The following SAMMSON variants were observed in gnomAD, a reference collection of about 807,000 sequenced individuals.
SAMMSON encodes the protein long intergenic non-protein coding RNA 1212.
intron 7 of SAMMSON, among the ~76,000 whole-genome samples, chr3:70,343,200 T>TTAATATGGTAA (rs1702724853): frequency 6.6e-6 from 1 of 152,196 alleles, no homozygotes; most frequent in Non-Finnish European, 1.5e-5. Flanking sequence ...ATATGGTATA[T>TTAATATGGTAA]TTATCACAAT....
At chr3:70,196,963 T>G in intron 4 of SAMMSON, 1 of 398,536 alleles carries the variant, frequency 2.5e-6, no homozygotes, top group African/African-American at 2.1e-5. Context: ...CATGGCCAGT[T>G]CCAGACACTC....
At chr3:70,260,566 G>A (rs182529196) in intron 6 of SAMMSON, among the ~76,000 whole-genome samples, 10 of 152,046 alleles carry the variant, frequency 6.6e-5, no homozygotes, top group Admixed American at 6.6e-4. Flanking sequence ...ATGGGAGGAA[G>A]GGAAGGTCTG....
At chr3:70,282,412 G>A (rs972181422) in intron 6 of SAMMSON, among the ~76,000 whole-genome samples, 1 of 152,152 alleles carries the variant, frequency 6.6e-6, no homozygotes. Flanking sequence ...GTTAGTTACA[G>A]AAGCTAATGA....
chr3:70,188,758 G>A (rs1471372622), intron 4 of SAMMSON, among the ~76,000 whole-genome samples: 1 of 152,188 alleles, frequency 6.6e-6, no homozygotes, highest in Admixed American at 6.5e-5. Flanking sequence ...AATAGGGTAG[G>A]TATTATTAAC....
intron 6 of SAMMSON, among the ~76,000 whole-genome samples, chr3:70,256,638 A>G (rs1016517785): frequency 6.6e-6 from 1 of 152,192 alleles, no homozygotes; most frequent in Non-Finnish European, 1.5e-5. Flanking sequence ...GGGAAAGGAA[A>G]TCCTCAAGCC....
At chr3:70,225,967 T>C (rs1701502599) in intron 4 of SAMMSON, among the ~76,000 whole-genome samples, 1 of 152,208 alleles carries the variant, frequency 6.6e-6, no homozygotes, top group South Asian at 2.1e-4. Context: ...TCATTAACAA[T>C]GTAGACAGGA....
At chr3:70,373,224 T>C (rs564470236) in intron 9 of SAMMSON, among the ~76,000 whole-genome samples, 1 of 152,160 alleles carries the variant, frequency 6.6e-6, no homozygotes, top group Non-Finnish European at 1.5e-5. Flanking sequence ...TTATTTTCCT[T>C]TCATTTCCAA....
intron 4 of SAMMSON, among the ~76,000 whole-genome samples, chr3:70,146,677 T>C (rs1331603143): frequency 6.6e-6 from 1 of 152,016 alleles, no homozygotes; most frequent in Middle Eastern, 3.2e-3. Context: ...TGATAAAATC[T>C]ATTTTTTAAA....
chr3:70,040,486 C>T (rs149089275), intron 3 of SAMMSON, among the ~76,000 whole-genome samples: 1 of 152,268 alleles, frequency 6.6e-6, no homozygotes, highest in African/African-American at 2.4e-5. Context: ...TTGTAGAAAA[C>T]AGCACAGTGA....
chr3:70,257,235 T>C (rs1701825353), intron 6 of SAMMSON, among the ~76,000 whole-genome samples: 1 of 152,226 alleles, frequency 6.6e-6, no homozygotes, highest in Admixed American at 6.5e-5. Context: ...CCCTTCCCCA[T>C]TCCTTAAAAC....
chr3:70,298,025 G>A (rs1702306328), intron 7 of SAMMSON, among the ~76,000 whole-genome samples: 1 of 151,950 alleles, frequency 6.6e-6, no homozygotes, highest in African/African-American at 2.4e-5. Context: ...GAAAATCAGG[G>A]TCACATCTAA....
At chr3:70,387,988 G>C (rs144142764) in intron 9 of SAMMSON, among the ~76,000 whole-genome samples, 143 of 152,058 alleles carry the variant, frequency 9.4e-4, no homozygotes, top group African/African-American at 3.4e-3. Flanking sequence ...GTTTGTTTTG[G>C]TTTTGTTTGT....
At chr3:70,268,049 TCC>T (rs769090236) in intron 6 of SAMMSON, among the ~76,000 whole-genome samples, 41 of 147,076 alleles carry the variant, frequency 2.8e-4, no homozygotes, top group Non-Finnish European at 4.9e-4. Flanking sequence ...CTCCTCCTCC[TCC>T]TTCTTCTCCA....
chr3:70,081,474 A>G (rs1446536830), intron 4 of SAMMSON, among the ~76,000 whole-genome samples: 1 of 152,148 alleles, frequency 6.6e-6, no homozygotes, highest in Non-Finnish European at 1.5e-5. Flanking sequence ...ACAATCTTTC[A>G]TCCTAACAAG....
intron 7 of SAMMSON, among the ~76,000 whole-genome samples, chr3:70,299,694 C>A (rs1362523519): frequency 6.6e-6 from 1 of 152,076 alleles, no homozygotes; most frequent in Non-Finnish European, 1.5e-5. Context: ...TAACTAGTCA[C>A]TCTGGTTTCA....
At chr3:70,258,753 A>T (rs1048009470) in intron 6 of SAMMSON, among the ~76,000 whole-genome samples, 1 of 152,212 alleles carries the variant, frequency 6.6e-6, no homozygotes, top group Non-Finnish European at 1.5e-5. Flanking sequence ...TAAAAATAAC[A>T]AACAATAGGG....
intron 3 of SAMMSON, among the ~76,000 whole-genome samples, chr3:70,021,376 G>C (rs562151340): frequency 6.6e-6 from 1 of 152,060 alleles, no homozygotes; most frequent in Non-Finnish European, 1.5e-5. Context: ...ACCTTTTGCT[G>C]TTTTTATAAC....
At chr3:70,415,053 A>G (rs1169777901) in intron 2 of SAMMSON, among the ~76,000 whole-genome samples, 1 of 152,084 alleles carries the variant, frequency 6.6e-6, no homozygotes, top group African/African-American at 2.4e-5. Flanking sequence ...TATAGCAATT[A>G]CTGTCAACTG....
At chr3:70,380,764 A>T (rs747182236) in intron 9 of SAMMSON, among the ~76,000 whole-genome samples, 1 of 151,890 alleles carries the variant, frequency 6.6e-6, no homozygotes, top group Admixed American at 6.6e-5. Flanking sequence ...TCATTGTTCA[A>T]TTCCCACCTA....
Sources: gnomAD v4.1 joint callset for allele counts (sites outside exome capture counted in the v4.1 genomes callset) on GRCh38, gnomAD v4.1.1 for gene constraint, MANE v1.5 for transcripts, NCBI Gene and HGNC (gene_info 2026-07-23, HGNC 2026-07-21) for gene names.